The following FDFT1 variants were observed in gnomAD, a reference collection of about 807,000 sequenced individuals.
The protein encoded by FDFT1 is farnesyl-diphosphate farnesyltransferase 1.
In FDFT1, 68 loss-of-function variants were observed where a neutral mutation model predicts 46.8. That is an observed-to-expected ratio of 1.45 (90% CI 1.19 to 1.78). The LOEUF (loss-of-function observed/expected upper bound fraction) is 1.78, where lower values mean the gene tolerates loss of function less well. Ranked by LOEUF, FDFT1 falls within the 40% of genes most tolerant of loss-of-function variation. The pLI is 0.00. For missense variants in FDFT1, 928 were observed against 524.4 expected, an observed-to-expected ratio of 1.77 and a Z score of -7.52; for synonymous variants, 351 against 185.1, an observed-to-expected ratio of 1.90 and a Z score of -7.28.
chr8:11,832,198 C>T (rs1201270047), intron 7 of FDFT1, among the ~76,000 whole-genome samples: 1 of 152,070 alleles, frequency 6.6e-6, no homozygotes, highest in Non-Finnish European at 1.5e-5. Context: ...AATACCAAAA[C>T]CATCCTATAA....
At chr8:11,836,977 A>T (rs1353193725) in intron 7 of FDFT1, among the ~76,000 whole-genome samples, 2 of 152,260 alleles carry the variant, frequency 1.3e-5, no homozygotes, top group Non-Finnish European at 2.9e-5. Context: ...AGTCAGGGTG[A>T]AAACTACAGA....
chr8:11,831,201 C>T (rs921742948), intron 6 of FDFT1, among the ~76,000 whole-genome samples: 124 of 152,228 alleles, frequency 8.1e-4, no homozygotes, highest in African/African-American at 2.7e-3. Flanking sequence ...ATTTCCGATC[C>T]GATAATCCAT....
At chr8:11,837,564 T>C (rs1043635572) in intron 7 of FDFT1, among the ~76,000 whole-genome samples, 5 of 151,788 alleles carry the variant, frequency 3.3e-5, no homozygotes, top group Non-Finnish European at 5.9e-5. Context: ...GAGAGGGAGG[T>C]GGGCAAGGGC....
chr8:11,826,871 A>G (rs919995244), intron 5 of FDFT1, among the ~76,000 whole-genome samples: 1 of 152,294 alleles, frequency 6.6e-6, no homozygotes, highest in South Asian at 2.1e-4. Flanking sequence ...TACTGTTGCT[A>G]CACAGCTGAG....
chr8:11,824,210 T>A (rs1809651202), intron 4 of FDFT1, among the ~76,000 whole-genome samples: 1 of 151,944 alleles, frequency 6.6e-6, no homozygotes, highest in African/African-American at 2.4e-5. Flanking sequence ...TTCTTTACTT[T>A]TGCTTCTTAA....
At chr8:11,828,318 C>G (rs1170361086) in intron 5 of FDFT1, among the ~76,000 whole-genome samples, 2 of 152,034 alleles carry the variant, frequency 1.3e-5, no homozygotes, top group Non-Finnish European at 2.9e-5. Context: ...AACAAAAAAA[C>G]AAAAAACACT....
chr8:11,803,665 G>A (rs1806434802), intron 1 of FDFT1: 3 of 396,376 alleles, frequency 7.6e-6, no homozygotes, highest in Non-Finnish European at 1.2e-5. Context: ...AAGTTCTTCT[G>A]GTCTGGACCA....
chr8:11,834,831 T>C (rs554325458), intron 7 of FDFT1, among the ~76,000 whole-genome samples: 64 of 152,290 alleles, frequency 4.2e-4, no homozygotes, highest in African/African-American at 1.5e-3. Context: ...GCCTGTGTCA[T>C]TTAATCATCA....
At chr8:11,837,313 C>T (rs890040178) in intron 7 of FDFT1, among the ~76,000 whole-genome samples, 1 of 152,198 alleles carries the variant, frequency 6.6e-6, no homozygotes, top group Non-Finnish European at 1.5e-5. Flanking sequence ...TCACTGCAAC[C>T]TCCACCTCCC....
intron 3 of FDFT1, among the ~76,000 whole-genome samples, chr8:11,817,211 G>T (rs771465087): frequency 9.2e-5 from 14 of 152,322 alleles, no homozygotes; most frequent in African/African-American, 3.4e-4. Flanking sequence ...GCATCCCAGG[G>T]ATGAAGCCGA....
chr8:11,819,823 C>G (rs1295824232), intron 3 of FDFT1, among the ~76,000 whole-genome samples: 1 of 151,998 alleles, frequency 6.6e-6, no homozygotes, highest in African/African-American at 2.4e-5. Context: ...TTTGTTATTA[C>G]CAACCTTCTG....
intron 1 of FDFT1, among the ~76,000 whole-genome samples, chr8:11,807,592 A>G (rs886731945): frequency 3.3e-5 from 5 of 149,740 alleles, no homozygotes; most frequent in Non-Finnish European, 6.0e-5. Context: ...GCTCTAAAAA[A>G]TAGTCCATGA....
chr8:11,816,320 C>T (rs549862329), intron 3 of FDFT1, among the ~76,000 whole-genome samples: 10 of 152,256 alleles, frequency 6.6e-5, no homozygotes, highest in Non-Finnish European at 1.0e-4. Flanking sequence ...CAGCTTTGTT[C>T]TTTTGGCTTA....
At chr8:11,827,265 C>T (rs558375769) in intron 5 of FDFT1, among the ~76,000 whole-genome samples, 2 of 152,154 alleles carry the variant, frequency 1.3e-5, no homozygotes, top group African/African-American at 4.8e-5. Flanking sequence ...CTGAGCAACA[C>T]AGCAAGATAC....
At chr8:11,822,380 C>T (rs190219295) in intron 4 of FDFT1, among the ~76,000 whole-genome samples, 1 of 152,332 alleles carries the variant, frequency 6.6e-6, no homozygotes, top group Admixed American at 6.5e-5. Context: ...GCTACATGGT[C>T]ACTACGTTAG....
intron 5 of FDFT1, among the ~76,000 whole-genome samples, chr8:11,828,831 G>A (rs927672800): frequency 2.0e-5 from 3 of 152,216 alleles, no homozygotes; most frequent in Non-Finnish European, 4.4e-5. Flanking sequence ...CTGGGGCATT[G>A]CATCACTGCT....
rs150007324 is a variant in FDFT1, at chr8:11,832,166, T to A, written c.1032+496T>A. 1.3e-3 allele frequency among the ~76,000 whole-genome samples: 193 copies of A among 152,326 alleles called. 14 individuals carry two copies. Among genetic ancestry groups the A allele is most frequent in the Admixed American group, 9.8e-4 (15 of 15,296 alleles). On this transcript the variant is annotated intron_variant, in intron 7 of 7. Transcript: ENST00000220584. ...TCAAGTTGCAATTATTTCCTAAATT[T>A]TCTTTGGAAAATTTCATTTCAAATA...
chr8:11,807,336 AC>A (rs1554516792), intron 1 of FDFT1, among the ~76,000 whole-genome samples: 1 of 31,112 alleles, frequency 3.2e-5, no homozygotes, highest in South Asian at 2.0e-3. Flanking sequence ...TTTTTTAAAA[AC>A]TTTTTTATGA....
intron 7 of FDFT1, among the ~76,000 whole-genome samples, chr8:11,834,281 T>G (rs564115962): frequency 6.6e-6 from 1 of 152,234 alleles, no homozygotes; most frequent in Non-Finnish European, 1.5e-5. Context: ...CACCCCACTC[T>G]GGAGCAGCCT....
Sources: allele counts gnomAD v4.1 joint callset (sites outside exome capture counted in the v4.1 genomes callset), GRCh38; gene constraint gnomAD v4.1.1; transcripts MANE v1.5; gene names NCBI Gene and HGNC (gene_info 2026-07-23, HGNC 2026-07-21).